Variants in CLEC16A observed in about 807,000 individuals in gnomAD.
CLEC16A encodes protein CLEC16A.
CLEC16A carries 51 observed loss-of-function variants against 109.5 expected under a neutral mutation model. That is an observed-to-expected ratio of 0.47 (90% CI 0.37 to 0.59). The LOEUF (loss-of-function observed/expected upper bound fraction) is 0.59, where lower values mean the gene tolerates loss of function less well. Ranked by LOEUF, CLEC16A falls within the 20% of genes least tolerant of loss-of-function variation. The pLI is 0.00. For missense variants in CLEC16A, 1,339 were observed against 1,394.0 expected (o/e 0.96, Z 0.63); for synonymous variants, 673 against 564.2 (o/e 1.19, Z -2.73).
intron 19 of CLEC16A, among the ~76,000 whole-genome samples, chr16:11,081,119 T>C (rs1220281159): frequency 6.6e-6 from 1 of 152,312 alleles, no homozygotes; most frequent in East Asian, 1.9e-4. Context: ...ACCCCTCAAA[T>C]GCTCTTCAGT....
At chr16:10,991,014 C>A (rs2043973978) in intron 10 of CLEC16A, among the ~76,000 whole-genome samples, 1 of 152,134 alleles carries the variant, frequency 6.6e-6, no homozygotes, top group African/African-American at 2.4e-5. Context: ...GTATGCCAGG[C>A]ACTGTTCTAG....
intron 22 of CLEC16A, among the ~76,000 whole-genome samples, chr16:11,141,163 T>C (rs2053806935): frequency 6.6e-6 from 1 of 152,186 alleles, no homozygotes; most frequent in African/African-American, 2.4e-5. Context: ...GGCTTTTCCG[T>C]AGGGTCCTCC....
At chr16:10,988,490 G>A (rs62028152) in intron 10 of CLEC16A, among the ~76,000 whole-genome samples, 3,600 of 152,256 alleles carry the variant, frequency 0.024, 55 homozygotes, top group Non-Finnish European at 0.034. Flanking sequence ...GGAGGTGTTC[G>A]GTGCAGGAGT....
At chr16:11,152,560 A>G (rs1055048699) in intron 22 of CLEC16A, among the ~76,000 whole-genome samples, 1 of 152,370 alleles carries the variant, frequency 6.6e-6, no homozygotes, top group South Asian at 2.1e-4. Context: ...GCCAGTGCCA[A>G]TCCCCTCTGT....
intron 19 of CLEC16A, among the ~76,000 whole-genome samples, chr16:11,081,287 A>G (rs1337639225): frequency 6.6e-6 from 1 of 152,174 alleles, no homozygotes; most frequent in Non-Finnish European, 1.5e-5. Flanking sequence ...CTTTGTTGGT[A>G]CAAGTTAAAA....
chr16:10,945,927 C>T (rs2041340744), intron 1 of CLEC16A, among the ~76,000 whole-genome samples: 1 of 152,144 alleles, frequency 6.6e-6, no homozygotes, highest in African/African-American at 2.4e-5. Context: ...TTGGTTTGTT[C>T]ACAGTTGTAT....
chr16:11,033,108 G>C (rs1019123998), intron 13 of CLEC16A, among the ~76,000 whole-genome samples: 12 of 152,098 alleles, frequency 7.9e-5, no homozygotes, highest in African/African-American at 2.9e-4. Flanking sequence ...GAAACTGGAA[G>C]GACTTGTGAT....
At chr16:11,129,291 C>T (rs549479734) in intron 22 of CLEC16A, among the ~76,000 whole-genome samples, 1 of 152,180 alleles carries the variant, frequency 6.6e-6, no homozygotes, top group Admixed American at 6.5e-5. Flanking sequence ...TGAATAAACC[C>T]ATTGCATATA....
chr16:11,058,435 T>A lies in CLEC16A; in HGVS notation c.1996-2467T>A, dbSNP rs568528804. Among the ~76,000 whole-genome samples, 11 of 152,260 alleles carry A rather than the reference T, an allele frequency of 7.2e-5. No individual in the cohort carries two copies. In the South Asian group the frequency reaches 2.1e-3, roughly 29 times the overall value. On this transcript the variant is annotated intron_variant, in intron 18 of 23. Transcript: ENST00000409790. ...AGATTACTTATGATACTGAGTACAA[T>A]GTAAATGCTATGTAAATAGTTTGTT...
At chr16:11,057,105 G>A (rs1365120110) in intron 18 of CLEC16A, 2 of 155,670 alleles carry the variant, frequency 1.3e-5, no homozygotes, top group African/African-American at 4.8e-5. Context: ...CGGAATTTCT[G>A]GTTCAAAGGG....
intron 9 of CLEC16A, among the ~76,000 whole-genome samples, chr16:10,981,377 G>A (rs1379008768): frequency 1.3e-5 from 2 of 152,184 alleles, no homozygotes; most frequent in Non-Finnish European, 1.5e-5. Context: ...AGCCTTGGAC[G>A]TGGGTTAACT....
chr16:11,175,994 G>A (rs2068733663), intron 23 of CLEC16A, among the ~76,000 whole-genome samples: 1 of 152,236 alleles, frequency 6.6e-6, no homozygotes, highest in Non-Finnish European at 1.5e-5. Context: ...TGCCATTTGG[G>A]GAATTAGTCA....
chr16:11,019,119 A>G (rs2045940123), intron 11 of CLEC16A, among the ~76,000 whole-genome samples: 1 of 152,126 alleles, frequency 6.6e-6, no homozygotes, highest in African/African-American at 2.4e-5. Flanking sequence ...GCAGGTTCAC[A>G]TTTTGTCATC....
chr16:11,090,120 A>C (rs1001584377), intron 19 of CLEC16A, among the ~76,000 whole-genome samples: 1 of 152,190 alleles, frequency 6.6e-6, no homozygotes, highest in African/African-American at 2.4e-5. Flanking sequence ...ATTGCGTAGA[A>C]TCATGCGTCC....
intron 22 of CLEC16A, among the ~76,000 whole-genome samples, chr16:11,147,322 C>T (rs574389297): frequency 1.3e-5 from 2 of 152,270 alleles, no homozygotes; most frequent in Admixed American, 6.5e-5. Flanking sequence ...CCTGACTACT[C>T]GCATCATTAG....
intron 13 of CLEC16A, among the ~76,000 whole-genome samples, chr16:11,037,389 G>A (rs980987345): frequency 2.6e-5 from 4 of 152,202 alleles, no homozygotes; most frequent in African/African-American, 9.6e-5. Flanking sequence ...ACTTCCTCAT[G>A]AAAGGAAAAG....
At chr16:11,017,001 G>T (rs954763432) in intron 11 of CLEC16A, among the ~76,000 whole-genome samples, 60 of 64,816 alleles carry the variant, frequency 9.3e-4, no homozygotes, top group African/African-American at 4.6e-3. Context: ...ATATCGGGGC[G>T]GGGGGGGGGG....
At chr16:10,998,496 G>A (rs957529937) in intron 10 of CLEC16A, among the ~76,000 whole-genome samples, 2 of 152,216 alleles carry the variant, frequency 1.3e-5, no homozygotes, top group African/African-American at 4.8e-5. Flanking sequence ...TGGGGCATGT[G>A]TTGTGTACTT....
chr16:11,147,805 A>T (rs2054129169), intron 22 of CLEC16A, among the ~76,000 whole-genome samples: 1 of 152,230 alleles, frequency 6.6e-6, no homozygotes, highest in Non-Finnish European at 1.5e-5. Flanking sequence ...CATTTTGATC[A>T]TAAAATAGTT....
Sources: gnomAD v4.1 joint callset for allele counts (sites outside exome capture counted in the v4.1 genomes callset) on GRCh38, gnomAD v4.1.1 for gene constraint, MANE v1.5 for transcripts, NCBI Gene and HGNC (gene_info 2026-07-23, HGNC 2026-07-21) for gene names.